The following CLIC5 variants were observed in gnomAD, a reference collection of about 807,000 sequenced individuals.
CLIC5 encodes CLIC family member 5, also known as chloride intracellular channel protein 5.
Under a neutral mutation model 24.7 loss-of-function variants are expected in CLIC5, and 20 were observed. The ratio of observed to expected loss-of-function variants is 0.81; its 90% CI spans 0.57 to 1.18. CLIC5 has a LOEUF of 1.18. CLIC5 is among the 50% of genes most tolerant of loss of function. CLIC5 has a pLI of 0.00. For missense variants in CLIC5, 341 were observed against 326.1 expected (o/e 1.05, Z -0.35); for synonymous variants, 159 against 135.6 (o/e 1.17, Z -1.20).
upstream of CLIC5, among the ~76,000 whole-genome samples, chr6:46,017,735 A>G (rs1166997393): frequency 6.6e-6 from 1 of 152,364 alleles, no homozygotes; most frequent in South Asian, 2.1e-4. Context: ...ACTATTTACC[A>G]TGGTTGGGGT....
chr6:46,076,728 G>A (rs561716197), intron 1 of CLIC5, among the ~76,000 whole-genome samples: 1 of 152,286 alleles, frequency 6.6e-6, no homozygotes, highest in Admixed American at 6.5e-5. Context: ...TGTTAGAGCA[G>A]AAATAAGAAA....
At chr6:45,955,696 G>A (rs558428168) in intron 1 of CLIC5, among the ~76,000 whole-genome samples, 126 of 151,968 alleles carry the variant, frequency 8.3e-4, no homozygotes, top group Middle Eastern at 3.4e-3. Flanking sequence ...GCTTTCCTTC[G>A]GCTACCTAGC....
At chr6:46,095,625 A>G in the CLIC5 span, among the ~76,000 whole-genome samples, 2 of 152,194 alleles carry the variant, frequency 1.3e-5, no homozygotes, top group South Asian at 2.1e-4. Context: ...TGAGTTCCTA[A>G]TAAGTTTCTC....
At chr6:45,963,123 A>G (rs376423359) in intron 1 of CLIC5, among the ~76,000 whole-genome samples, 2 of 152,066 alleles carry the variant, frequency 1.3e-5, no homozygotes, top group South Asian at 4.1e-4. Context: ...CCTTTCTTCT[A>G]TTTAACAACT....
At position 46,080,190 on chromosome 6, in the gene CLIC5, G is replaced by A. The variant is rs759950763; in HGVS notation, c.53C>T (p.Thr18Met). 60 of 1,551,440 alleles carry A rather than the reference G, an allele frequency of 3.9e-5. No individual in the cohort carries two copies. The highest frequency in any genetic ancestry group is 4.9e-5 in the East Asian group (2 of 40,934). The change falls in exon 1 of 6, where the codon ACG becomes ATG. Residue 18 changes from threonine (T) to methionine (M), a missense_variant. Thr to Met is a moderately conservative substitution (Grantham distance 81). Transcript: ENST00000185206. Reference sequence around the variant, plus strand: ...TTCTGGCTGGTCTGGAACCTCATACGTCCTCTCATTTTGGATTGTGTCATA... The same window carrying A: ...TTCTGGCTGGTCTGGAACCTCATACATCCTCTCATTTTGGATTGTGTCATA...
At chr6:45,968,449 T>C (rs1221467997) in intron 1 of CLIC5, among the ~76,000 whole-genome samples, 1 of 152,096 alleles carries the variant, frequency 6.6e-6, no homozygotes, top group Non-Finnish European at 1.5e-5. Context: ...AATAGCTTCC[T>C]GGGGGTCCTG....
At chr6:45,987,780 C>G (rs72856969) in intron 1 of CLIC5, among the ~76,000 whole-genome samples, 1 of 152,044 alleles carries the variant, frequency 6.6e-6, no homozygotes, top group Non-Finnish European at 1.5e-5. Flanking sequence ...GTTATAAATC[C>G]CCCAATCCTA....
intron 1 of CLIC5, among the ~76,000 whole-genome samples, chr6:46,029,341 G>A (rs920052126): frequency 2.0e-5 from 3 of 152,124 alleles, no homozygotes; most frequent in Non-Finnish European, 2.9e-5. Flanking sequence ...TGGGATTTCC[G>A]AAATTATTAT....
At chr6:45,927,923 C>CCCA (rs1763565514) in intron 4 of CLIC5, among the ~76,000 whole-genome samples, 1 of 152,054 alleles carries the variant, frequency 6.6e-6, no homozygotes, top group South Asian at 2.1e-4. Flanking sequence ...CTCTAAAACC[C>CCCA]CCACGGGATT....
chr6:46,001,464 T>C (rs937885608), intron 1 of CLIC5, among the ~76,000 whole-genome samples: 1 of 152,182 alleles, frequency 6.6e-6, no homozygotes, highest in Non-Finnish European at 1.5e-5. Context: ...AGTGCCTTCC[T>C]GATACCAGGT....
chr6:46,032,481 C>A (rs149373149), intron 1 of CLIC5, among the ~76,000 whole-genome samples: 88 of 152,302 alleles, frequency 5.8e-4, no homozygotes, highest in African/African-American at 2.0e-3. Flanking sequence ...CTGACTTTCT[C>A]CTTTTTTCAC....
Position 46,079,776 on chromosome 6 carries a change from C to G in CLIC5, c.467G>C (p.Cys156Ser), listed in dbSNP as rs937554482. 1.3e-5 allele frequency: 20 copies of G among 1,551,886 alleles called. No individual in the cohort carries two copies. In the African/African-American group the frequency reaches 2.7e-4, roughly 21 times the overall value. ...TTCCAAACCTTCAGCATCAGAATAGCAGGAATACTTGGTGGTAGAGAAGGC... is the reference window on the plus strand; with the variant it reads ...TTCCAAACCTTCAGCATCAGAATAGGAGGAATACTTGGTGGTAGAGAAGGC... The change falls in exon 1 of 6, where the codon TGC becomes TCC. Residue 156 changes from cysteine (C) to serine (S), a missense_variant. Coordinates refer to the CLIC5 transcript ENST00000185206.
chr6:46,051,264 G>C (rs1768094915), intron 1 of CLIC5, among the ~76,000 whole-genome samples: 1 of 152,204 alleles, frequency 6.6e-6, no homozygotes, highest in Non-Finnish European at 1.5e-5. Context: ...CATTTGTTGA[G>C]TTGAGTTATG....
Position 45,987,831 on chromosome 6 carries a change from A to G in CLIC5, c.63+27649T>C, listed in dbSNP as rs138380232. The stretch of plus-strand genomic sequence containing the variant: ...ACTCTTATGACTTCATTTAACCTTA[A>G]TTATTTCCTAAAAGCACTATCTCCA... On this transcript the variant is annotated intron_variant, in intron 1 of 5. Transcript: ENST00000339561. Among the ~76,000 whole-genome samples, 1,237 of 152,256 alleles carry G rather than the reference A, an allele frequency of 8.1e-3. 7 individuals carry two copies. Among genetic ancestry groups the G allele is most frequent in the Middle Eastern group, 0.017 (5 of 294 alleles).
intron 1 of CLIC5, among the ~76,000 whole-genome samples, chr6:46,047,945 G>T (rs1158692244): frequency 6.6e-6 from 1 of 151,206 alleles, no homozygotes; most frequent in Non-Finnish European, 1.5e-5. Flanking sequence ...TTTTCTAAAA[G>T]TCTGCAAATT....
chr6:46,034,459 T>C (rs987309539), intron 1 of CLIC5, among the ~76,000 whole-genome samples: 16 of 152,334 alleles, frequency 1.1e-4, no homozygotes, highest in East Asian at 5.8e-4. Context: ...AAAGGTAAAC[T>C]GGTGCTGTGG....
intron 1 of CLIC5, among the ~76,000 whole-genome samples, chr6:45,958,210 G>A (rs1004516843): frequency 6.6e-6 from 1 of 151,768 alleles, no homozygotes; most frequent in Non-Finnish European, 1.5e-5. Context: ...GGCAATGATT[G>A]AAGTGATGTA....
intron 1 of CLIC5, among the ~76,000 whole-genome samples, chr6:45,995,429 G>A (rs1014406287): frequency 6.6e-5 from 10 of 152,218 alleles, no homozygotes; most frequent in African/African-American, 2.4e-4. Context: ...AAGAGGGGAT[G>A]GAGAGGGAGG....
chr6:46,095,470 C>T, the CLIC5 span, among the ~76,000 whole-genome samples: 1 of 152,228 alleles, frequency 6.6e-6, no homozygotes, highest in Non-Finnish European at 1.5e-5. Flanking sequence ...AGCCAGGTCA[C>T]ATCTTGAACA....
Sources: gnomAD v4.1 joint callset for allele counts (sites outside exome capture counted in the v4.1 genomes callset) on GRCh38, gnomAD v4.1.1 for gene constraint, MANE v1.5 for transcripts, NCBI Gene and HGNC (gene_info 2026-07-23, HGNC 2026-07-21) for gene names.